AHRR: variants seen among roughly 807,000 people sequenced by gnomAD.
AHRR encodes aryl hydrocarbon receptor repressor.
AHRR carries 28 observed loss-of-function variants against 44.0 expected under a neutral mutation model. The observed-to-expected ratio is 0.64, with a 90% CI of 0.47 to 0.87. The LOEUF (loss-of-function observed/expected upper bound fraction) is 0.87, where lower values mean the gene tolerates loss of function less well. AHRR is among the 40% of genes least tolerant of loss of function. The pLI, the probability that AHRR is intolerant of heterozygous loss-of-function variation, is 0.00. For missense variants in AHRR, 990 were observed against 953.9 expected, an observed-to-expected ratio of 1.04 and a Z score of -0.50; for synonymous variants, 434 against 407.0, an observed-to-expected ratio of 1.07 and a Z score of -0.80.
chr5:342,219 C>T lies in AHRR; in HGVS notation c.-10-1674C>T, dbSNP rs1221710661. On this transcript the variant is annotated intron_variant, in intron 1 of 10. Coordinates refer to ENST00000684583, the MANE Select transcript of AHRR (RefSeq NM_001377236.1). This position sits in a 1 kb window ranked among gnomAD's most constrained non-coding sequence, Gnocchi z 4.3. ...TCAAGTCTGTTGTCGTTTGGATATT[C>T]TGTATCCTTACTGATTTTATTTACT... Among the ~76,000 whole-genome samples, 1 of 152,128 alleles carries T rather than the reference C, an allele frequency of 6.6e-6. No homozygotes were observed. The highest frequency in any genetic ancestry group is 1.5e-5 in the Non-Finnish European group (1 of 68,010).
Position 342,517 on chromosome 5 carries a change from C to A in AHRR, c.-10-1376C>A, listed in dbSNP as rs1742380706. Reference sequence around the variant, plus strand: ...TTTGCATGTTGTATCTTTTTCTATCCATTTACTTTATCTACCTAAGTCTTT... The same window carrying A: ...TTTGCATGTTGTATCTTTTTCTATCAATTTACTTTATCTACCTAAGTCTTT... On this transcript the variant is annotated intron_variant, in intron 1 of 10. Coordinates refer to ENST00000684583, the MANE Select transcript of AHRR (RefSeq NM_001377236.1). The surrounding 1 kb of genome is among the most constrained non-coding windows in gnomAD (Gnocchi z 4.3). Among the ~76,000 whole-genome samples the A allele has an allele frequency of 6.6e-6, 1 of 152,172 alleles. No individual in the cohort carries two copies. Among genetic ancestry groups the A allele is most frequent in the Admixed American group, 6.5e-5 (1 of 15,282 alleles).
At chr5:363,069 T>G (rs1743235653) in intron 3 of AHRR, among the ~76,000 whole-genome samples, 1 of 152,214 alleles carries the variant, frequency 6.6e-6, no homozygotes, top group African/African-American at 2.4e-5. Context: ...CAGTTAAAAC[T>G]CTACATGTCT....
chr5:382,979 A>G (rs1032895027), intron 4 of AHRR, among the ~76,000 whole-genome samples: 1 of 152,130 alleles, frequency 6.6e-6, no homozygotes, highest in Admixed American at 6.5e-5. Context: ...ATTTTCATTT[A>G]GTTCAAAATG....
rs755661647 is a variant in AHRR, at chr5:434,562, C to T, written c.1822C>T (p.Leu608=). 1 of 1,595,046 alleles carries T rather than the reference C, an allele frequency of 6.3e-7. No homozygotes were observed. Among genetic ancestry groups the T allele is most frequent in the Non-Finnish European group, 8.5e-7 (1 of 1,171,180 alleles). ...GRATAGRSRE[L]TPFHPAHCAC... ...GGCCACTGCTGGGCGCAGCAGGGAG[C>T]TGACCCCTTTCCACCCTGCACACTG... is the stretch of plus-strand genomic sequence containing the variant. Residue 608 remains leucine, a synonymous_variant, in exon 11 of 11, where the codon CTG becomes TTG. Transcript: ENST00000684583.
Position 321,860 on chromosome 5 carries a change from C to T in AHRR, c.-11+41C>T, listed in dbSNP as rs1365539441. 6.6e-6 allele frequency: 1 copy of T among 152,044 alleles called. No homozygotes were observed. The highest frequency in any genetic ancestry group is 1.5e-5 in the Non-Finnish European group (1 of 68,054). 9.4% of individuals were successfully genotyped at this position (152,044 alleles called of 1,614,324 possible). ...GCCCCCGCAGGCCCCCGCCGCGTGC[C>T]GCCCGCGGTGGAGACGGGATGCGCT... On this transcript the variant is annotated intron_variant, in intron 1 of 10. Coordinates refer to ENST00000684583, the MANE Select transcript of AHRR (RefSeq NM_001377236.1). The surrounding 1 kb of genome is among the most constrained non-coding windows in gnomAD (Gnocchi z 8.3).
intron 3 of AHRR, among the ~76,000 whole-genome samples, chr5:365,070 T>A (rs1255275185): frequency 6.6e-6 from 1 of 151,868 alleles, no homozygotes; most frequent in African/African-American, 2.4e-5. Flanking sequence ...ATACTGTAAC[T>A]CAGTATTTTA....
At position 411,579 on chromosome 5, in the gene AHRR, A is replaced by G. The variant is rs967428977; in HGVS notation, c.352-1765A>G. Among the ~76,000 whole-genome samples, 1 of 152,212 alleles carries G rather than the reference A, an allele frequency of 6.6e-6. No individual in the cohort carries two copies. Among genetic ancestry groups the G allele is most frequent in the Non-Finnish European group, 1.5e-5 (1 of 68,036 alleles). On this transcript the variant is annotated intron_variant, in intron 4 of 10. Transcript: ENST00000684583. The surrounding 1 kb of genome is among the most constrained non-coding windows in gnomAD (Gnocchi z 4.2). ...AATACAAGTTACCAGTGAATGCAGG[A>G]AATGTTTTTCAATGTCATTAGTAAT...
chr5:420,639 G>A (rs995869829), intron 5 of AHRR, among the ~76,000 whole-genome samples: 1 of 152,248 alleles, frequency 6.6e-6, no homozygotes. Flanking sequence ...CCTTCCCCAT[G>A]TGGAGAGGAT....
At chr5:323,949 C>T (rs975576934) in intron 1 of AHRR, among the ~76,000 whole-genome samples, 2 of 151,710 alleles carry the variant, frequency 1.3e-5, no homozygotes, top group African/African-American at 4.9e-5. Flanking sequence ...CCCTGAAACA[C>T]CTTGCCTAGC....
chr5:406,666 C>G lies in AHRR; in HGVS notation c.352-6678C>G, dbSNP rs1387692472. ...GTGCAAAAATACGATGCAGGCAGCT[C>G]AAAGGAGAAACGCAGCCCCTTCTCC... On this transcript the variant is annotated intron_variant, in intron 4 of 10. Coordinates refer to ENST00000684583, the MANE Select transcript of AHRR (RefSeq NM_001377236.1). This position sits in a 1 kb window ranked among gnomAD's most constrained non-coding sequence, Gnocchi z 4.7. Among the ~76,000 whole-genome samples the G allele has an allele frequency of 1.3e-5, 2 of 152,106 alleles. No individual in the cohort carries two copies. The highest frequency in any genetic ancestry group is 2.9e-5 in the Non-Finnish European group (2 of 68,026).
intron 4 of AHRR, among the ~76,000 whole-genome samples, chr5:408,467 G>A (rs2672762): frequency 0.2 from 30,166 of 151,402 alleles, 4,793 homozygotes; most frequent in African/African-American, 0.44. Context: ...CCTCAGATCT[G>A]TAAATATGGT....
In AHRR at chr5:343,882, T is replaced by A. The variant is rs1374103943; in HGVS notation, c.-10-11T>A. ...CGCGTTCCGGTGACCGGGTGCCCCC[T>A]TGTCTTCCAGGCCGAGGACGATGAT... On this transcript the variant is annotated splice_polypyrimidine_tract_variant and intron_variant, in intron 1 of 10. Coordinates refer to ENST00000684583, the MANE Select transcript of AHRR (RefSeq NM_001377236.1). 1 of 1,595,398 alleles carries A rather than the reference T, an allele frequency of 6.3e-7. No individual in the cohort carries two copies. Among genetic ancestry groups the A allele is most frequent in the Non-Finnish European group, 8.5e-7 (1 of 1,172,400 alleles).
intron 1 of AHRR, among the ~76,000 whole-genome samples, chr5:339,524 GA>G (rs1742259937): frequency 1.3e-5 from 2 of 152,066 alleles, no homozygotes; most frequent in Admixed American, 1.3e-4. Flanking sequence ...CCAGTTTTGA[GA>G]CTTTTACTTA....
At chr5:424,368 G>A (rs1163275805) in intron 7 of AHRR, among the ~76,000 whole-genome samples, 1 of 113,588 alleles carries the variant, frequency 8.8e-6, no homozygotes, top group Non-Finnish European at 2.1e-5. Flanking sequence ...TGGTGTGGGG[G>A]TGTTAACCCA....
Position 405,232 on chromosome 5 carries a change from C to T in AHRR, c.352-8112C>T, listed in dbSNP as rs915717428. ...CCAAAGAGGTTAGCATGGAACCAAC[C>T]CTCTTCCTCGGAGCTGCACGGGAAT... On this transcript the variant is annotated intron_variant, in intron 4 of 10. Transcript: ENST00000684583. This position sits in a 1 kb window ranked among gnomAD's most constrained non-coding sequence, Gnocchi z 4.5. Among the ~76,000 whole-genome samples, 3 of 152,094 alleles carry T rather than the reference C, an allele frequency of 2.0e-5. No homozygotes were observed. Among genetic ancestry groups the T allele is most frequent in the Non-Finnish European group, 4.4e-5 (3 of 68,040 alleles).
At chr5:385,168 T>A (rs1223422881) in intron 4 of AHRR, among the ~76,000 whole-genome samples, 5 of 151,998 alleles carry the variant, frequency 3.3e-5, no homozygotes, top group African/African-American at 4.8e-5. Context: ...ATGTGTCTTT[T>A]ATTTATCGTT....
chr5:414,323 GT>G (rs201731828), intron 5 of AHRR, among the ~76,000 whole-genome samples: 2 of 151,800 alleles, frequency 1.3e-5, no homozygotes, highest in Non-Finnish European at 1.5e-5. Flanking sequence ...CAACGGAGCT[GT>G]TTTTTTTGTC....
chr5:379,354 G>C (rs1413123829), intron 4 of AHRR, among the ~76,000 whole-genome samples: 1 of 152,178 alleles, frequency 6.6e-6, no homozygotes, highest in Non-Finnish European at 1.5e-5. Flanking sequence ...TTGTTTTTAG[G>C]TTTTGGTGTT....
Position 343,876 on chromosome 5 carries a change from G to A in AHRR, c.-10-17G>A. ...ACGTGGCGCGTTCCGGTGACCGGGTGCCCCCTTGTCTTCCAGGCCGAGGAC... is the reference window on the plus strand; with the variant it reads ...ACGTGGCGCGTTCCGGTGACCGGGTACCCCCTTGTCTTCCAGGCCGAGGAC... On this transcript the variant is annotated splice_polypyrimidine_tract_variant and intron_variant, in intron 1 of 10. Coordinates refer to ENST00000684583, the MANE Select transcript of AHRR (RefSeq NM_001377236.1). 6.3e-7 allele frequency: 1 copy of A among 1,592,288 alleles called. No individual in the cohort carries two copies. Among genetic ancestry groups the A allele is most frequent in the Non-Finnish European group, 8.5e-7 (1 of 1,171,108 alleles).
Sources: gnomAD v4.1 joint callset for allele counts (sites outside exome capture counted in the v4.1 genomes callset) on GRCh38, gnomAD v4.1.1 for gene constraint, Gnocchi (gnomAD v3.1) non-coding constraint, MANE v1.5 for transcripts, NCBI Gene and HGNC (gene_info 2026-07-23, HGNC 2026-07-21) for gene names.